Variants in TMEM175 observed in about 807,000 individuals in gnomAD.
TMEM175 encodes the protein endosomal/lysosomal proton channel TMEM175.
Under a neutral mutation model 36.5 loss-of-function variants are expected in TMEM175, and 36 were observed. The ratio of observed to expected loss-of-function variants is 0.99; its 90% confidence interval spans 0.76 to 1.30. TMEM175 has a LOEUF of 1.30. Ranked by LOEUF, TMEM175 falls within the 50% of genes most tolerant of loss-of-function variation. The probability of loss-of-function intolerance (pLI) is 0.00; values close to 1 mark genes in which losing one functional copy is unlikely to be tolerated. For missense variants in TMEM175, 705 were observed against 692.8 expected, an observed-to-expected ratio of 1.02 and a Z score of -0.20; for synonymous variants, 339 against 313.4, an observed-to-expected ratio of 1.08 and a Z score of -0.86.
intron 6 of TMEM175, 133 bp downstream of exon 6, chr4:951,850 G>C: frequency 9.8e-7 from 1 of 1,015,524 alleles, no homozygotes; most frequent in Non-Finnish European, 1.5e-6. Context: ...GAAGGTTCTG[G>C]GGAGAGCCAG....
rs6854256 is a variant in TMEM175, at chr4:947,614, C to G, written c.-31-95C>G. On this transcript the variant is annotated intron_variant, in intron 1 of 10. Coordinates refer to ENST00000264771, the MANE Select transcript of TMEM175 (RefSeq NM_032326.4). Reference sequence around the variant, plus strand: ...TGCTCAGTGGCGGCCAAGCCCCCCCCCATACCAGTCCCTGTCCCTGCACCA... The same window carrying G: ...TGCTCAGTGGCGGCCAAGCCCCCCCGCATACCAGTCCCTGTCCCTGCACCA... 1,217 of 938,024 alleles carry G rather than the reference C, an allele frequency of 1.3e-3. 9 individuals are homozygous for G. In the African/African-American group the frequency reaches 0.015, roughly 12 times the overall value. 58.1% of individuals were successfully genotyped at this position (938,024 alleles called of 1,614,324 possible).
At chr4:947,112 G>C (rs1290810862) in intron 1 of TMEM175, among the ~76,000 whole-genome samples, 1 of 133,382 alleles carries the variant, frequency 7.5e-6, no homozygotes, top group African/African-American at 2.8e-5. Flanking sequence ...ATGCGTGCAC[G>C]GGCGCCGAGA....
intron 1 of TMEM175, among the ~76,000 whole-genome samples, chr4:941,137 G>A (rs1006084374): frequency 9.3e-5 from 14 of 150,216 alleles, no homozygotes; most frequent in Non-Finnish European, 1.8e-4. Context: ...CAACACTTTG[G>A]GAGGCCAAGG....
At position 950,451 on chromosome 4, in the gene TMEM175, G is replaced by A. The variant is rs138593933; in HGVS notation, c.223G>A (p.Ala75Thr). 2 of 1,613,946 alleles carry A rather than the reference G, an allele frequency of 1.2e-6. No individual in the cohort carries two copies. Among genetic ancestry groups the A allele is most frequent in the Non-Finnish European group, 1.7e-6 (2 of 1,179,946 alleles). ...CGACAGAAGTGTACAGAGGCTTCTGGCAACACGGATTGCCGTCTACCTGAT... is the reference window on the plus strand; with the variant it reads ...CGACAGAAGTGTACAGAGGCTTCTGACAACACGGATTGCCGTCTACCTGAT... ...QFDRSVQRLL[A>T]TRIAVYLMTF... The change falls in exon 4 of 11, where the codon GCA becomes ACA. Residue 75 changes from alanine (A) to threonine (T), a missense_variant. Ala to Thr is a moderately conservative substitution (Grantham distance 58). Transcript: ENST00000264771.
intron 1 of TMEM175, among the ~76,000 whole-genome samples, chr4:936,827 T>C (rs1465788036): frequency 6.6e-6 from 1 of 152,104 alleles, no homozygotes; most frequent in Non-Finnish European, 1.5e-5. Flanking sequence ...CATGGTGGCA[T>C]GTGCCTGAAA....
At chr4:952,563 C>CTG (rs147980248) in intron 7 of TMEM175, 113 bp downstream of exon 7, 108,696 of 657,814 alleles carry the variant, frequency 0.17, 3,136 homozygotes, top group East Asian at 0.3. Context: ...GGGGCCTGCA[C>CTG]TGTGTGTGTG....
At chr4:937,258 T>G (rs1240144606) in intron 1 of TMEM175, among the ~76,000 whole-genome samples, 1 of 152,124 alleles carries the variant, frequency 6.6e-6, no homozygotes, top group Non-Finnish European at 1.5e-5. Flanking sequence ...TGACAAATCT[T>G]CCCTTAAAGA....
chr4:948,769 C>T (rs950380292), intron 3 of TMEM175, among the ~76,000 whole-genome samples: 1 of 152,228 alleles, frequency 6.6e-6, no homozygotes, highest in Non-Finnish European at 1.5e-5. Flanking sequence ...GCGGCCCAAG[C>T]TTCATGGGTG....
In TMEM175 at chr4:953,392, C is replaced by T. The variant is rs183630281; in HGVS notation, c.627+38C>T. ...ACAGCCCGTGGGGCCCAGGCAGGAA[C>T]GGGGGCCACCATAGGAGCAATGTCC... On this transcript the variant is annotated intron_variant, in intron 8 of 10. Coordinates refer to ENST00000264771, the MANE Select transcript of TMEM175 (RefSeq NM_032326.4). 5,111 of 1,564,426 alleles carry T rather than the reference C, an allele frequency of 3.3e-3. 31 individuals carry two copies. The highest frequency in any genetic ancestry group is 3.2e-3 in the Non-Finnish European group (3,701 of 1,153,996).
At chr4:957,056 C>T (rs542451038) in intron 10 of TMEM175, among the ~76,000 whole-genome samples, 31 of 152,334 alleles carry the variant, frequency 2.0e-4, no homozygotes, top group Non-Finnish European at 3.8e-4. Flanking sequence ...GAGGCAGCAG[C>T]GTGGGGCCGG....
intron 10 of TMEM175, 164 bp downstream of exon 10, chr4:956,054 G>A (rs1396637033): frequency 2.3e-6 from 2 of 887,292 alleles, no homozygotes; most frequent in Non-Finnish European, 3.2e-6. Context: ...ACTTCAGGGA[G>A]GACAACCTTC....
chr4:938,106 T>C (rs994980054), intron 1 of TMEM175, among the ~76,000 whole-genome samples: 1 of 152,128 alleles, frequency 6.6e-6, no homozygotes, highest in African/African-American at 2.4e-5. Flanking sequence ...AAAGACTGAA[T>C]GTTTTCCCCC....
rs1439013301 is a variant in TMEM175, at chr4:958,031, C to T, written c.1050C>T (p.Ala350=). The T allele has an allele frequency of 1.9e-6, 3 of 1,611,618 alleles. No homozygotes were observed. The South Asian group carries it at 3.3e-5, about 18-fold the overall frequency. ...GGCTGCTGAACACGCTCTCGCTGGC[C>T]TTCGTGGGTGGCCTCCCACTAGCCT... ...AMGLLNTLSL[A]FVGGLPLAYQ... The change falls in exon 11 of 11, where the codon GCC becomes GCT. Residue 350 remains alanine (A), a synonymous_variant. Coordinates refer to ENST00000264771, the MANE Select transcript of TMEM175 (RefSeq NM_032326.4).
intron 1 of TMEM175, among the ~76,000 whole-genome samples, chr4:942,762 C>T (rs1727680788): frequency 6.6e-6 from 1 of 151,872 alleles, no homozygotes. Context: ...GCTTCAGCCT[C>T]CTGAGTAGCT....
chr4:956,629 A>G (rs567766075), intron 10 of TMEM175: 24 of 461,844 alleles, frequency 5.2e-5, no homozygotes, highest in Middle Eastern at 8.5e-4. Context: ...TTTTTAATAG[A>G]GATGAGGTTT....
At chr4:936,145 G>C (rs1270547760) in intron 1 of TMEM175, among the ~76,000 whole-genome samples, 2 of 152,054 alleles carry the variant, frequency 1.3e-5, no homozygotes, top group African/African-American at 4.8e-5. Context: ...GACCACCCTG[G>C]CCAACATGGT....
chr4:953,370 G>T lies in TMEM175; in HGVS notation c.627+16G>T, dbSNP rs566484241. On this transcript the variant is annotated intron_variant, in intron 8 of 10. Coordinates refer to ENST00000264771, the MANE Select transcript of TMEM175 (RefSeq NM_032326.4). ...TGTCCCCTTGGTGAGTGCTGGGACA[G>T]CCCGTGGGGCCCAGGCAGGAACGGG... is the stretch of plus-strand genomic sequence containing the variant. The T allele has an allele frequency of 2.9e-4, 464 of 1,587,174 alleles. 5 individuals carry two copies. In the South Asian group the frequency reaches 4.8e-3, roughly 17 times the overall value.
chr4:950,883 T>C (rs1453876633), intron 4 of TMEM175, among the ~76,000 whole-genome samples: 1 of 123,732 alleles, frequency 8.1e-6, no homozygotes, highest in Non-Finnish European at 1.7e-5. Flanking sequence ...GGTGGAGGTG[T>C]GGATGGTGCA....
intron 5 of TMEM175, 58 bp downstream of exon 5, chr4:951,316 G>C (rs1188537061): frequency 6.3e-7 from 1 of 1,586,264 alleles, no homozygotes; most frequent in Non-Finnish European, 8.7e-7. Flanking sequence ...CTGACCCTCA[G>C]GGAAGAGGGG....
Sources: gnomAD v4.1 joint callset for allele counts (sites outside exome capture counted in the v4.1 genomes callset) on GRCh38, gnomAD v4.1.1 for gene constraint, MANE v1.5 for transcripts, NCBI Gene and HGNC (gene_info 2026-07-23, HGNC 2026-07-21) for gene names.